The following OTOGL variants were observed in gnomAD, a reference collection of about 807,000 sequenced individuals.
The protein encoded by OTOGL is otogelin like.
Under a neutral mutation model 318.5 loss-of-function variants are expected in OTOGL, and 285 were observed. The observed-to-expected ratio is 0.89, with a 90% confidence interval of 0.81 to 0.99. The LOEUF (loss-of-function observed/expected upper bound fraction) is 0.99, where lower values mean the gene tolerates loss of function less well. Ranked by LOEUF, OTOGL falls within the 50% of genes least tolerant of loss-of-function variation. The pLI is 0.00. For synonymous variants in OTOGL, 987 were observed against 936.5 expected (o/e 1.05, Z -0.99); for missense variants, 2,899 against 2,845.6 (o/e 1.02, Z -0.43).
Position 80,342,342 on chromosome 12 carries a change from T to G in OTOGL, c.5265+180T>G, listed in dbSNP as rs559701646. 4.6e-5 allele frequency among the ~76,000 whole-genome samples: 7 copies of G among 152,350 alleles called. No individual in the cohort carries two copies. The East Asian group carries it at 1.3e-3, about 29-fold the overall frequency. On this transcript the variant is annotated intron_variant, in intron 44 of 58. Transcript: ENST00000547103. ...TACAGGCTTACAAACACAAGAAGGA[T>G]AATTTTATTTCTTTTCTTTATGCTT...
chr12:80,345,897 C>A (rs952548071), intron 44 of OTOGL, among the ~76,000 whole-genome samples: 2 of 152,124 alleles, frequency 1.3e-5, no homozygotes, highest in African/African-American at 4.8e-5. Flanking sequence ...TAGCTGCATT[C>A]TGGTCATGAT....
At chr12:80,357,220 A>C (rs748198635) in intron 49 of OTOGL, among the ~76,000 whole-genome samples, 1 of 152,188 alleles carries the variant, frequency 6.6e-6, no homozygotes. Context: ...CTTTCCTTGA[A>C]GAACCAACTT....
Position 80,256,446 on chromosome 12 carries a change from G to T in OTOGL, c.1697G>T (p.Gly566Val), listed in dbSNP as rs543115093. 7 of 1,581,816 alleles carry T rather than the reference G, an allele frequency of 4.4e-6. No individual in the cohort carries two copies. Among genetic ancestry groups the T allele is most frequent in the South Asian group, 3.4e-5 (3 of 88,234 alleles). ...GGQILTSPNQ[G>V]FNLNGIVEIQ... ...CAAATTCTCACTAGTCCTAACCAAG[G>T]CTTCAACCTGAATGGTAAGAAACAG... Residue 566 changes from glycine (G) to valine (V), a missense_variant, in exon 17 of 59, where the codon GGC (glycine) becomes GTC (valine). Physicochemically the swap from Gly to Val is moderately radical, Grantham distance 109. Around this residue, in one of 3 missense-constraint regions of OTOGL, gnomAD observed 2,607 missense variants for 2,524.9 expected, o/e 1.03. Coordinates refer to ENST00000547103, the MANE Select transcript of OTOGL (RefSeq NM_001378609.3).
intron 11 of OTOGL, among the ~76,000 whole-genome samples, chr12:80,243,925 G>C (rs1880614127): frequency 6.7e-6 from 1 of 149,346 alleles, no homozygotes; most frequent in South Asian, 2.1e-4. Flanking sequence ...CTCTGAGATG[G>C]AGCCGGTTTA....
At chr12:80,267,365 T>C in intron 22 of OTOGL, 38 bp downstream of exon 22, 3 of 1,221,350 alleles carry the variant, frequency 2.5e-6, no homozygotes, top group South Asian at 1.8e-5. Context: ...TGACAAATGA[T>C]GTATGTTCTA....
intron 26 of OTOGL, among the ~76,000 whole-genome samples, chr12:80,288,855 G>T (rs1884829417): frequency 6.6e-6 from 1 of 151,876 alleles, no homozygotes; most frequent in African/African-American, 2.4e-5. Context: ...TACTCTTTTA[G>T]CTCTGAAGAG....
intron 52 of OTOGL, 24 bp downstream of exon 52, chr12:80,358,924 C>T (rs1566013369): frequency 1.4e-6 from 2 of 1,438,112 alleles, no homozygotes; most frequent in Admixed American, 4.2e-5. Context: ...TTTTGATTGA[C>T]TTGTCATATT....
chr12:80,356,046 A>T, intron 47 of OTOGL, 98 bp downstream of exon 47: 1 of 1,298,544 alleles, frequency 7.7e-7, no homozygotes, highest in South Asian at 1.4e-5. Context: ...TATTTTTAAA[A>T]AAGGGCCATA....
chr12:80,363,589 G>A (rs186714242), intron 52 of OTOGL, among the ~76,000 whole-genome samples: 5 of 152,184 alleles, frequency 3.3e-5, no homozygotes, highest in Non-Finnish European at 5.9e-5. Context: ...AAACTTGAAG[G>A]TTTCAAGTCT....
chr12:80,266,304 G>A, intron 20 of OTOGL, 147 bp from the exon 21 acceptor site: 1 of 782,790 alleles, frequency 1.3e-6, no homozygotes, highest in Non-Finnish European at 2.0e-6. Context: ...TGAGGATGTT[G>A]CTCTTTGAGC....
Position 80,168,942 on chromosome 12 carries a change from T to C in OTOGL, c.-19-40471T>C, listed in dbSNP as rs184606417. ...TCTCCGTTATTTCCATTCCTTTTCT[T>C]TCTGCTAACTTGGGCATTTATTCAT... On this transcript the variant is annotated intron_variant, in intron 1 of 58. Transcript: ENST00000547103. 5.4e-4 allele frequency among the ~76,000 whole-genome samples: 82 copies of C among 152,328 alleles called. 1 individual carries two copies. Among genetic ancestry groups the C allele is most frequent in the African/African-American group, 1.9e-3 (80 of 41,586 alleles).
intron 9 of OTOGL, among the ~76,000 whole-genome samples, chr12:80,234,867 C>A (rs1315946146): frequency 6.6e-6 from 1 of 152,148 alleles, no homozygotes; most frequent in Non-Finnish European, 1.5e-5. Context: ...GATAATGACT[C>A]TGGGAGCTTC....
intron 32 of OTOGL, 74 bp downstream of exon 32, chr12:80,314,405 C>A (rs908311406): frequency 5.8e-6 from 3 of 519,602 alleles, no homozygotes; most frequent in African/African-American, 4.0e-5. Context: ...AATTTTTGAA[C>A]AACTTATGCT....
chr12:80,151,349 G>T (rs1872769863), intron 1 of OTOGL, among the ~76,000 whole-genome samples: 1 of 152,100 alleles, frequency 6.6e-6, no homozygotes, highest in Non-Finnish European at 1.5e-5. Flanking sequence ...GCTCAAACAG[G>T]TATGCTTTAA....
chr12:80,269,501 T>C (rs1408791189), intron 22 of OTOGL, among the ~76,000 whole-genome samples: 6 of 152,162 alleles, frequency 3.9e-5, no homozygotes, highest in Non-Finnish European at 7.4e-5. Flanking sequence ...TCTTAGCATC[T>C]TCTAGGAGCT....
chr12:80,106,562 A>G (rs1869466083), intron 1 of OTOGL, among the ~76,000 whole-genome samples: 1 of 152,166 alleles, frequency 6.6e-6, no homozygotes, highest in African/African-American at 2.4e-5. Flanking sequence ...CAACTGGCAC[A>G]TATTATAACA....
intron 19 of OTOGL, among the ~76,000 whole-genome samples, chr12:80,263,554 G>A (rs1882712846): frequency 6.6e-6 from 1 of 151,802 alleles, no homozygotes; most frequent in African/African-American, 2.4e-5. Context: ...TGAGATATTT[G>A]CCTTGTCTTT....
chr12:80,336,166 ATC>A (rs753472961), intron 39 of OTOGL, 26 bp downstream of exon 39: 4 of 1,448,358 alleles, frequency 2.8e-6, no homozygotes, highest in Non-Finnish European at 3.7e-6. Flanking sequence ...TTAAGCGGTG[ATC>A]TTTTTTTTTT....
chr12:80,292,203 G>C (rs929286136), intron 26 of OTOGL, among the ~76,000 whole-genome samples: 1 of 152,106 alleles, frequency 6.6e-6, no homozygotes, highest in African/African-American at 2.4e-5. Context: ...GGTCAGGCTG[G>C]TCTTGAATTC....
Sources: gnomAD v4.1 joint callset for allele counts (sites outside exome capture counted in the v4.1 genomes callset) on GRCh38, gnomAD v4.1.1 for gene constraint, gnomAD v4.1.1 regional missense constraint, MANE v1.5 for transcripts, NCBI Gene and HGNC (gene_info 2026-07-23, HGNC 2026-07-21) for gene names.